AUTS2: variants seen among roughly 807,000 people sequenced by gnomAD.
AUTS2 encodes the protein activator of transcription and developmental regulator AUTS2.
Under a neutral mutation model 112.4 loss-of-function variants are expected in AUTS2, and 17 were observed. The observed-to-expected ratio is 0.15, with a 90% CI of 0.10 to 0.23. The LOEUF (loss-of-function observed/expected upper bound fraction) is 0.23. Among genes scored for constraint, AUTS2 ranks in the 10% least tolerant of loss-of-function variants. AUTS2 has a pLI of 1.00. For synonymous variants in AUTS2, 751 were observed against 702.7 expected (o/e 1.07, Z -1.09); for missense variants, 1,510 against 1,701.6 (o/e 0.89, Z 1.98).
At chr7:69,727,283 A>G (rs929882557) in intron 1 of AUTS2, among the ~76,000 whole-genome samples, 1 of 151,992 alleles carries the variant, frequency 6.6e-6, no homozygotes, top group Non-Finnish European at 1.5e-5. Flanking sequence ...TGTCCCTGGC[A>G]CCTCCGTTGA....
intron 5 of AUTS2, among the ~76,000 whole-genome samples, chr7:70,645,772 G>A (rs952210556): frequency 1.3e-5 from 2 of 152,264 alleles, no homozygotes; most frequent in South Asian, 2.1e-4. Flanking sequence ...TGTATTCTAT[G>A]TCACAAATCA....
intron 4 of AUTS2, among the ~76,000 whole-genome samples, chr7:70,339,356 G>A (rs1791150312): frequency 6.6e-6 from 1 of 152,054 alleles, no homozygotes; most frequent in Non-Finnish European, 1.5e-5. Context: ...GGGATATTGG[G>A]TATTGCCATC....
At chr7:70,007,597 C>T (rs969437191) in intron 2 of AUTS2, among the ~76,000 whole-genome samples, 2 of 152,136 alleles carry the variant, frequency 1.3e-5, no homozygotes, top group South Asian at 2.1e-4. Flanking sequence ...TTACACATTT[C>T]ATTTCTCACA....
rs373565700 is a variant in AUTS2, at chr7:70,162,237, G to C, written c.660+27666G>C. ...CGAGGCGGGCGGATCACGAGGTCAG[G>C]AGATCGAGACCATCCCGGCTAAAAC... On this transcript the variant is annotated intron_variant, in intron 4 of 18. Transcript: ENST00000342771. Among the ~76,000 whole-genome samples the C allele has an allele frequency of 2.4e-4, 36 of 151,466 alleles. 1 individual carries two copies. The South Asian group carries it at 7.3e-3, about 31-fold the overall frequency.
At chr7:70,333,895 G>C (rs1268981043) in intron 4 of AUTS2, among the ~76,000 whole-genome samples, 1 of 152,096 alleles carries the variant, frequency 6.6e-6, no homozygotes, top group Non-Finnish European at 1.5e-5. Flanking sequence ...ACCATGGCAT[G>C]TGTATACTTA....
intron 2 of AUTS2, among the ~76,000 whole-genome samples, chr7:70,041,965 T>TG (rs1801267719): frequency 6.6e-6 from 1 of 152,220 alleles, no homozygotes; most frequent in African/African-American, 2.4e-5. Context: ...AAAGTATTTA[T>TG]GGAATTATCA....
In AUTS2 at chr7:69,866,533, A is replaced by G. The variant is rs559097562; in HGVS notation, c.310-32753A>G. On this transcript the variant is annotated intron_variant, in intron 1 of 18. Transcript: ENST00000342771. ...GACCTCCTCTCTCTGCTGGATGATC[A>G]TCATTTTGATAGCATATTCCTTTTG... 2.0e-5 allele frequency among the ~76,000 whole-genome samples: 3 copies of G among 152,302 alleles called. No homozygotes were observed. In the South Asian group the frequency reaches 6.2e-4, roughly 32 times the overall value.
intron 5 of AUTS2, among the ~76,000 whole-genome samples, chr7:70,681,452 A>T (rs889618531): frequency 9.9e-5 from 15 of 152,060 alleles, no homozygotes; most frequent in Non-Finnish European, 1.8e-4. Context: ...CTCCCTCGCT[A>T]CTGGGGGTGA....
At chr7:70,386,494 A>G (rs1793613707) in intron 4 of AUTS2, among the ~76,000 whole-genome samples, 1 of 152,138 alleles carries the variant, frequency 6.6e-6, no homozygotes, top group Admixed American at 6.5e-5. Context: ...ATTTTCATCA[A>G]CTAAAAAGAA....
chr7:70,159,057 C>T (rs1017222638), intron 4 of AUTS2, among the ~76,000 whole-genome samples: 8 of 152,062 alleles, frequency 5.3e-5, no homozygotes, highest in Non-Finnish European at 8.8e-5. Context: ...TTGCTTTTGC[C>T]GTAGCATCAA....
rs925818812 is a variant in AUTS2 at position 70,694,932 on chromosome 7, C to T, written c.691-3637C>T. The T allele has an allele frequency of 6.6e-6, 1 of 152,294 alleles. No homozygotes were observed. The highest frequency in any genetic ancestry group is 2.4e-5 in the African/African-American group (1 of 41,460). 9.4% of individuals were successfully genotyped at this position (152,294 alleles called of 1,614,324 possible). A position where few individuals can be genotyped will look rare whatever the true frequency, so the allele number is the denominator to read the frequency against. On this transcript the variant is annotated intron_variant, in intron 5 of 18. Coordinates refer to ENST00000342771, the MANE Select transcript of AUTS2 (RefSeq NM_015570.4). This position sits in a 1 kb window ranked among gnomAD's most constrained non-coding sequence, Gnocchi z 4.1. ...GGTCGAGAGTTGGGCGTTTTCTCTT[C>T]GTGTGTTTTGGTGGTTTCCCCCCTG...
Position 70,763,312 on chromosome 7 carries a change from C to A in AUTS2, c.1185C>A (p.Asn395Lys), listed in dbSNP as rs1789697090. 1.3e-6 allele frequency: 2 copies of A among 1,593,962 alleles called. No homozygotes were observed. The highest frequency in any genetic ancestry group is 1.3e-5 in the African/African-American group (1 of 74,524). ...TCTCCCAGCCATTGTCAGCCTACAACAGCAGTAGCTTAAGCCTCAACAGTT... is the reference window on the plus strand; with the variant it reads ...TCTCCCAGCCATTGTCAGCCTACAAAAGCAGTAGCTTAAGCCTCAACAGTT... ...QSLSQPLSAY[N>K]SSSLSLNSLS... The change falls in exon 7 of 19, where the codon AAC becomes AAA. Residue 395 changes from asparagine to lysine, a missense_variant. Asn to Lys is a moderately conservative substitution (Grantham distance 94, BLOSUM62 0). Around this residue, in one of 3 missense-constraint regions of AUTS2, gnomAD observed 535 missense variants for 594.3 expected, o/e 0.90. Coordinates refer to ENST00000342771, the MANE Select transcript of AUTS2 (RefSeq NM_015570.4).
At chr7:70,588,951 A>C (rs574530073) in intron 5 of AUTS2, among the ~76,000 whole-genome samples, 13 of 152,210 alleles carry the variant, frequency 8.5e-5, no homozygotes. Context: ...CCATTCTGAG[A>C]TCTAAGCATA....
At chr7:70,021,098 T>C (rs1800250623) in intron 2 of AUTS2, among the ~76,000 whole-genome samples, 1 of 152,162 alleles carries the variant, frequency 6.6e-6, no homozygotes, top group African/African-American at 2.4e-5. Flanking sequence ...TTCTCCTGCC[T>C]CAGCCTCCCG....
intron 1 of AUTS2, among the ~76,000 whole-genome samples, chr7:69,634,212 C>T (rs982589515): frequency 1.3e-5 from 2 of 151,582 alleles, no homozygotes; most frequent in Admixed American, 6.6e-5. Context: ...CTCCGCCTCC[C>T]GGGTTCACGC....
intron 5 of AUTS2, among the ~76,000 whole-genome samples, chr7:70,523,561 T>C (rs566751479): frequency 6.6e-6 from 1 of 152,272 alleles, no homozygotes; most frequent in South Asian, 2.1e-4. Flanking sequence ...GCAGGAATAC[T>C]TGCAAACAAA....
intron 2 of AUTS2, among the ~76,000 whole-genome samples, chr7:70,037,585 AT>A (rs1801063711): frequency 6.6e-6 from 1 of 152,140 alleles, no homozygotes; most frequent in Non-Finnish European, 1.5e-5. Flanking sequence ...TTTTTATATA[AT>A]TTTTTGGTAG....
At chr7:70,184,208 T>G (rs1809481316) in intron 4 of AUTS2, among the ~76,000 whole-genome samples, 1 of 152,106 alleles carries the variant, frequency 6.6e-6, no homozygotes, top group African/African-American at 2.4e-5. Flanking sequence ...TAAGTATAAT[T>G]ATGGTGCCTG....
intron 5 of AUTS2, among the ~76,000 whole-genome samples, chr7:70,680,141 A>C (rs1808133654): frequency 6.6e-6 from 1 of 152,236 alleles, no homozygotes. Flanking sequence ...GAAGAGGTAC[A>C]TACATTGAAT....
Sources: gnomAD v4.1 joint callset for allele counts (sites outside exome capture counted in the v4.1 genomes callset) on GRCh38, gnomAD v4.1.1 for gene constraint, gnomAD v4.1.1 regional missense constraint, Gnocchi (gnomAD v3.1) non-coding constraint, MANE v1.5 for transcripts, NCBI Gene and HGNC (gene_info 2026-07-23, HGNC 2026-07-21) for gene names.